ZMAT4: variants seen among roughly 807,000 people sequenced by gnomAD.
ZMAT4 encodes zinc finger matrin-type protein 4.
In ZMAT4, 17 loss-of-function variants were observed where a neutral mutation model predicts 28.7. That is an observed-to-expected ratio of 0.59 (90% confidence interval 0.41 to 0.89). The LOEUF is 0.89. ZMAT4 is among the 40% of genes least tolerant of loss of function. The pLI is 0.00. For missense variants in ZMAT4, 240 were observed against 283.8 expected (o/e 0.85, Z 1.11); for synonymous variants, 117 against 109.2 (o/e 1.07, Z -0.44).
chr8:40,805,195 C>A (rs1029372663), intron 2 of ZMAT4, among the ~76,000 whole-genome samples: 1 of 151,794 alleles, frequency 6.6e-6, no homozygotes. Flanking sequence ...AAAATGCTCA[C>A]CATCACTGGC....
intron 6 of ZMAT4, among the ~76,000 whole-genome samples, chr8:40,554,241 A>G (rs1014920540): frequency 2.6e-5 from 4 of 152,068 alleles, no homozygotes; most frequent in East Asian, 3.9e-4. Flanking sequence ...TTCAAATACA[A>G]CCTCAATCAA....
In ZMAT4 at chr8:40,597,929, T is replaced by A. The variant is rs1050061885; in HGVS notation, c.578-16668A>T. 7.9e-5 allele frequency among the ~76,000 whole-genome samples: 12 copies of A among 152,320 alleles called. No individual in the cohort carries two copies. The East Asian group carries it at 2.3e-3, about 29-fold the overall frequency. ...TTCATGACAATTTAAAACCAATGCT[T>A]ATGGATGAGAGAGGAACATTTAAGA... On this transcript the variant is annotated intron_variant, in intron 5 of 6. Transcript: ENST00000297737.
intron 5 of ZMAT4, among the ~76,000 whole-genome samples, chr8:40,643,206 C>G (rs756910710): frequency 3.3e-5 from 5 of 152,130 alleles, no homozygotes; most frequent in South Asian, 4.1e-4. Flanking sequence ...AGTCGAGAAG[C>G]TTTCATCTGC....
At chr8:40,559,842 C>T (rs528825019) in intron 6 of ZMAT4, among the ~76,000 whole-genome samples, 11 of 152,048 alleles carry the variant, frequency 7.2e-5, no homozygotes, top group African/African-American at 1.4e-4. Context: ...TACAAACACA[C>T]GTTTGTGAAA....
intron 2 of ZMAT4, among the ~76,000 whole-genome samples, chr8:40,788,416 C>T (rs554992359): frequency 6.6e-6 from 1 of 152,200 alleles, no homozygotes; most frequent in South Asian, 2.1e-4. Context: ...AACCCTGTCT[C>T]TACTAAAAAA....
intron 3 of ZMAT4, among the ~76,000 whole-genome samples, chr8:40,712,193 A>G (rs974064047): frequency 6.6e-6 from 1 of 152,250 alleles, no homozygotes; most frequent in East Asian, 1.9e-4. Flanking sequence ...AAATCATAAT[A>G]GGATTTCTCT....
intron 3 of ZMAT4, among the ~76,000 whole-genome samples, chr8:40,699,721 AT>A (rs1472575885): frequency 1.3e-5 from 2 of 152,218 alleles, no homozygotes; most frequent in African/African-American, 2.4e-5. Flanking sequence ...GAATTATACC[AT>A]TTTTTTAACT....
At chr8:40,833,540 C>CAAAAAAAAAAAAAAAAAAAAAAAAA (rs57458575) in intron 1 of ZMAT4, among the ~76,000 whole-genome samples, 41 of 87,058 alleles carry the variant, frequency 4.7e-4, no homozygotes, top group East Asian at 1.0e-3. Context: ...TACACTCCAG[C>CAAAAAAAAAAAAAAAAAAAAAAAAA]AAAAAAAAAA....
intron 2 of ZMAT4, among the ~76,000 whole-genome samples, chr8:40,788,750 A>C (rs1349416252): frequency 1.3e-5 from 2 of 149,296 alleles, no homozygotes; most frequent in Non-Finnish European, 3.0e-5. Flanking sequence ...CTGATATCAA[A>C]AACAAGGACA....
rs550177376 is a variant in ZMAT4 at position 40,765,596 on chromosome 8, A to G, written c.192+2045T>C. ...AAGGTTTCCACGGGGACTTTGATAA[A>G]GAATGCAAACAGATGCTTCTTGCTC... On this transcript the variant is annotated intron_variant, in intron 3 of 6. Coordinates refer to ENST00000297737, the MANE Select transcript of ZMAT4 (RefSeq NM_024645.3). 1.4e-4 allele frequency among the ~76,000 whole-genome samples: 22 copies of G among 152,344 alleles called. No homozygotes were observed. In the South Asian group the frequency reaches 4.6e-3, roughly 32 times the overall value.
intron 5 of ZMAT4, among the ~76,000 whole-genome samples, chr8:40,590,994 G>T (rs1804875471): frequency 6.6e-6 from 1 of 152,062 alleles, no homozygotes. Flanking sequence ...ACACTATGAG[G>T]CTTCACCCCA....
chr8:40,584,239 T>C (rs1473064860), intron 5 of ZMAT4, among the ~76,000 whole-genome samples: 1 of 152,126 alleles, frequency 6.6e-6, no homozygotes, highest in East Asian at 1.9e-4. Flanking sequence ...AAACTTCCAT[T>C]TCCCTTGCTA....
intron 1 of ZMAT4, among the ~76,000 whole-genome samples, chr8:40,897,032 CTAAT>C (rs970605341): frequency 6.7e-6 from 1 of 149,628 alleles, no homozygotes; most frequent in Admixed American, 6.7e-5. Context: ...TTTTCGGGAG[CTAAT>C]TAATTATGTG....
intron 6 of ZMAT4, among the ~76,000 whole-genome samples, chr8:40,561,447 T>A (rs1235428375): frequency 5.9e-5 from 9 of 152,138 alleles, no homozygotes; most frequent in African/African-American, 2.2e-4. Context: ...AGCTTCCACA[T>A]GTAAGCACCA....
intron 3 of ZMAT4, among the ~76,000 whole-genome samples, chr8:40,706,737 G>A (rs1810371276): frequency 6.6e-6 from 1 of 151,964 alleles, no homozygotes; most frequent in African/African-American, 2.4e-5. Context: ...TTTTTTCAAG[G>A]TTAGGAACAC....
At chr8:40,801,520 A>C (rs1814848741) in intron 2 of ZMAT4, among the ~76,000 whole-genome samples, 6 of 151,572 alleles carry the variant, frequency 4.0e-5, no homozygotes, top group Admixed American at 3.9e-4. Flanking sequence ...AATACAAAAA[A>C]TTAACTGGGT....
chr8:40,684,874 C>T (rs1275310133), intron 4 of ZMAT4, among the ~76,000 whole-genome samples: 1 of 152,066 alleles, frequency 6.6e-6, no homozygotes, highest in African/African-American at 2.4e-5. Flanking sequence ...GTGTCTATAA[C>T]CGCTCTTCAG....
chr8:40,632,373 G>A (rs1806623816), intron 5 of ZMAT4, among the ~76,000 whole-genome samples: 1 of 152,078 alleles, frequency 6.6e-6, no homozygotes, highest in African/African-American at 2.4e-5. Flanking sequence ...AGTTGGTAAT[G>A]TGCAAAACAA....
rs1808701586 is a variant in ZMAT4 at position 40,672,177 on chromosome 8, AT to A, written c.577+2526del. On this transcript the variant is annotated intron_variant, in intron 5 of 6. Transcript: ENST00000297737. ...AGAAAGAGAAAAAGCCTACCATCCT[AT>A]TATATTGCTATATCGTGCTTCAGCT... 3.9e-5 allele frequency among the ~76,000 whole-genome samples: 6 copies of A among 152,342 alleles called. No individual in the cohort carries two copies. In the South Asian group the frequency reaches 1.0e-3, roughly 26 times the overall value.
Sources: allele counts gnomAD v4.1 joint callset (sites outside exome capture counted in the v4.1 genomes callset), GRCh38; gene constraint gnomAD v4.1.1; transcripts MANE v1.5; gene names NCBI Gene and HGNC (gene_info 2026-07-23, HGNC 2026-07-21).